Variants in COL18A1 observed in about 807,000 individuals in gnomAD.
The protein encoded by COL18A1 is collagen alpha-1(XVIII) chain.
Under a neutral mutation model 168.0 loss-of-function variants are expected in COL18A1, and 133 were observed. The ratio of observed to expected loss-of-function variants is 0.79; its 90% CI spans 0.69 to 0.91. The LOEUF is 0.91. COL18A1 is among the 40% of genes least tolerant of loss of function. The pLI, the probability that COL18A1 is intolerant of heterozygous loss-of-function variation, is 0.00. For synonymous variants in COL18A1, 949 were observed against 809.0 expected (o/e 1.17, Z -2.94); for missense variants, 2,126 against 1,925.4 (o/e 1.10, Z -1.95).
intron 2 of COL18A1, among the ~76,000 whole-genome samples, chr21:45,429,792 G>A (rs1474680490): frequency 1.3e-5 from 2 of 152,202 alleles, no homozygotes; most frequent in Non-Finnish European, 2.9e-5. Context: ...GGGCCCATGT[G>A]CACGGGACCT....
intron 36 of COL18A1, 132 bp from the exon 37 acceptor site, chr21:45,505,706 A>C (rs1229821030): frequency 1.4e-5 from 11 of 764,702 alleles, no homozygotes; most frequent in Non-Finnish European, 2.2e-5. Flanking sequence ...TCATGGGGGC[A>C]GCCGCCTCAG....
At chr21:45,493,106 G>GTCGGGGA in intron 24 of COL18A1, 57 bp from the exon 25 acceptor site, 1 of 1,501,578 alleles carries the variant, frequency 6.7e-7, no homozygotes, top group South Asian at 1.2e-5. Context: ...TGGAGCAGCC[G>GTCGGGGA]TCGGGGATGG....
At chr21:45,430,977 A>C (rs2033942239) in intron 2 of COL18A1, among the ~76,000 whole-genome samples, 1 of 152,208 alleles carries the variant, frequency 6.6e-6, no homozygotes, top group South Asian at 2.1e-4. Context: ...AAGACCTAGA[A>C]ATAAGTCCCG....
Position 45,497,633 on chromosome 21 carries a change from A to G in COL18A1, c.2655A>G (p.Lys885=), listed in dbSNP as rs1049468625. 1.3e-6 allele frequency: 2 copies of G among 1,570,302 alleles called. No homozygotes were observed. The highest frequency in any genetic ancestry group is 1.7e-6 in the Non-Finnish European group (2 of 1,158,154). ...GCCCTCCAGGACCCAAGGGCGCCAAAGGAGAAGTGGGCCCCCCCGGACCAC... is the reference window on the plus strand; with the variant it reads ...GCCCTCCAGGACCCAAGGGCGCCAAGGGAGAAGTGGGCCCCCCCGGACCAC... The part of the protein sequence containing the change: ...NQGPPGPKGA[K]GEVGPPGPPG... Residue 885 remains lysine, a synonymous_variant, in exon 32 of 42, where the codon AAA becomes AAG. Coordinates refer to ENST00000651438, the MANE Select transcript of COL18A1 (RefSeq NM_001379500.1).
intron 2 of COL18A1, among the ~76,000 whole-genome samples, chr21:45,448,893 G>A (rs191143145): frequency 5.0e-4 from 76 of 152,164 alleles, no homozygotes; most frequent in Non-Finnish European, 2.2e-4. Flanking sequence ...TCTTCCTAAC[G>A]TGGCAGTCCA....
intron 2 of COL18A1, chr21:45,455,399 G>A (rs547601441): frequency 1.0e-5 from 13 of 1,280,470 alleles, no homozygotes; most frequent in Non-Finnish European, 1.3e-5. Flanking sequence ...CTGCAAGAGT[G>A]GGGGGTGGAA....
At chr21:45,492,372 C>A (rs369531894) in intron 22 of COL18A1, among the ~76,000 whole-genome samples, 163 bp from the exon 23 acceptor site, 1 of 152,186 alleles carries the variant, frequency 6.6e-6, no homozygotes, top group Non-Finnish European at 1.5e-5. Context: ...AGCTGAGGGG[C>A]GTCTGTGCTG....
rs191878226 is a variant in COL18A1 at position 45,429,181 on chromosome 21, G to A, written c.106+23708G>A. On this transcript the variant is annotated intron_variant, in intron 2 of 41. Coordinates refer to ENST00000651438, the MANE Select transcript of COL18A1 (RefSeq NM_001379500.1). The stretch of plus-strand genomic sequence containing the variant: ...CTCCCAAATTGTTGGGATTACAGGC[G>A]TGAGCCACCGCGCCCAGCCGAGACT... 4.4e-3 allele frequency among the ~76,000 whole-genome samples: 662 copies of A among 151,936 alleles called. 1 individual carries two copies. Among genetic ancestry groups the A allele is most frequent in the Non-Finnish European group, 6.2e-3 (421 of 67,922 alleles).
chr21:45,455,662 G>A lies in COL18A1; in HGVS notation c.107-12580G>A, dbSNP rs748689940. 5 of 1,613,852 alleles carry A rather than the reference G, an allele frequency of 3.1e-6. No individual in the cohort carries two copies. The highest frequency in any genetic ancestry group is 2.2e-5 in the East Asian group (1 of 44,872). ...AGGACACCAGCCATGCAGCTACCAC[G>A]ATCCCTGAGCCCCAGGGGCCCCTGC... On this transcript the variant is annotated intron_variant, in intron 2 of 41. Coordinates refer to ENST00000651438, the MANE Select transcript of COL18A1 (RefSeq NM_001379500.1).
intron 2 of COL18A1, among the ~76,000 whole-genome samples, chr21:45,433,064 C>T (rs8129539): frequency 1.1e-4 from 17 of 152,084 alleles, no homozygotes; most frequent in Admixed American, 7.9e-4. Context: ...TAATCCTCTT[C>T]GAAACTTGAC....
chr21:45,455,693 C>T, intron 2 of COL18A1: 1 of 1,613,980 alleles, frequency 6.2e-7, no homozygotes, highest in Non-Finnish European at 8.5e-7. Flanking sequence ...CCTGCCTGTG[C>T]AGCCCACAGC....
intron 2 of COL18A1, chr21:45,421,130 C>G: frequency 3.3e-6 from 1 of 303,046 alleles, no homozygotes; most frequent in Non-Finnish European, 6.5e-6. Context: ...GCCTGCCTGT[C>G]CTGCCCTGCA....
intron 3 of COL18A1, among the ~76,000 whole-genome samples, chr21:45,472,183 A>AC (rs1427783054): frequency 1.5e-5 from 2 of 135,634 alleles, no homozygotes; most frequent in Non-Finnish European, 3.2e-5. Context: ...CCCAAGATGC[A>AC]CCCCCCGCCC....
chr21:45,488,338 A>G, intron 17 of COL18A1, 80 bp from the exon 18 acceptor site: 2 of 1,584,780 alleles, frequency 1.3e-6, no homozygotes, highest in Non-Finnish European at 1.7e-6. Flanking sequence ...GACTGTTACT[A>G]GCGGGCTTTT....
chr21:45,510,362 A>G, intron 40 of COL18A1, 101 bp downstream of exon 40: 1 of 1,311,828 alleles, frequency 7.6e-7, no homozygotes, highest in Non-Finnish European at 1.1e-6. Flanking sequence ...TCTGGAGGCC[A>G]CCATGTTACA....
Position 45,405,245 on chromosome 21 carries a change from A to G in COL18A1, c.11+4A>G. ...CTGGGGAGAGCATGGCGCCGAGGTG[A>G]GGCCGGGGCTGCGGGCAGGGGTTGG... On this transcript the variant is annotated splice_donor_region_variant and intron_variant, in intron 1 of 41. Transcript: ENST00000651438. 9.9e-6 allele frequency: 1 copy of G among 100,722 alleles called. No individual in the cohort carries two copies. The highest frequency in any genetic ancestry group is 1.5e-5 in the Non-Finnish European group (1 of 66,600). The allele number at this position is 100,722 out of a possible 1,614,324, so 6.2% of individuals were successfully genotyped here. A position where few individuals can be genotyped will look rare whatever the true frequency, so the allele number is the denominator to read the frequency against.
chr21:45,436,613 G>C (rs1421592558), intron 2 of COL18A1, among the ~76,000 whole-genome samples: 1 of 151,800 alleles, frequency 6.6e-6, no homozygotes, highest in East Asian at 1.9e-4. Context: ...TGGCGGGAAA[G>C]TGCCCCACCC....
rs1270429500 is a variant in COL18A1 at position 45,494,196 on chromosome 21, G to A, written c.2353-349G>A. 1.0e-5 allele frequency: 5 copies of A among 487,594 alleles called. No homozygotes were observed. The East Asian group carries it at 1.1e-4, about 11-fold the overall frequency. The allele number at this position is 487,594 out of a possible 1,614,324, so 30.2% of individuals were successfully genotyped here. On this transcript the variant is annotated intron_variant, in intron 26 of 41. Coordinates refer to ENST00000651438, the MANE Select transcript of COL18A1 (RefSeq NM_001379500.1). ...GAGAGCTCCACTATCCCACCCAGCT[G>A]TGCATTGGAGCTGGGGCCTGTGGCA...
Position 45,511,178 on chromosome 21 carries a change from C to T in COL18A1, c.3761C>T (p.Ala1254Val), listed in dbSNP as rs763990411. 44 of 1,601,164 alleles carry T rather than the reference C, an allele frequency of 2.7e-5. No individual in the cohort carries two copies. The Admixed American group carries it at 4.8e-4, about 17-fold the overall frequency. ...TCTGAGGGTCCGCTGAAGCCCGGGG[C>T]ACGCATCTTCTCCTTTGACGGCAAG... ...SGSEGPLKPG[A>V]RIFSFDGKDV... is the part of the protein sequence containing the mutation. The change falls in exon 41 of 42, where the codon GCA (alanine) becomes GTA (valine). Residue 1254 changes from alanine (A) to valine (V), a missense_variant. Physicochemically the swap from Ala to Val is moderately conservative, Grantham distance 64. Coordinates refer to ENST00000651438, the MANE Select transcript of COL18A1 (RefSeq NM_001379500.1).
Sources: gnomAD v4.1 joint callset for allele counts (sites outside exome capture counted in the v4.1 genomes callset) on GRCh38, gnomAD v4.1.1 for gene constraint, MANE v1.5 for transcripts, NCBI Gene and HGNC (gene_info 2026-07-23, HGNC 2026-07-21) for gene names.